Variants in TMEM178A observed in about 807,000 individuals in gnomAD.
The protein encoded by TMEM178A is transmembrane protein 178.
TMEM178A carries 12 observed loss-of-function variants against 29.1 expected under a neutral mutation model. The observed-to-expected ratio is 0.41, with a 90% CI of 0.26 to 0.67. The LOEUF (loss-of-function observed/expected upper bound fraction) is 0.67. Ranked by LOEUF, TMEM178A falls within the 30% of genes least tolerant of loss-of-function variation. The probability of loss-of-function intolerance (pLI) is 0.29; values close to 1 mark genes in which losing one functional copy is unlikely to be tolerated. For missense variants in TMEM178A, 366 were observed against 419.1 expected (o/e 0.87, Z 1.11); for synonymous variants, 210 against 187.2 (o/e 1.12, Z -0.99).
intron 1 of TMEM178A, among the ~76,000 whole-genome samples, chr2:39,667,885 C>T (rs758932208): frequency 6.6e-6 from 1 of 152,188 alleles, no homozygotes; most frequent in Non-Finnish European, 1.5e-5. Flanking sequence ...AGTACATGAA[C>T]AAACTGTAAA....
intron 3 of TMEM178A, among the ~76,000 whole-genome samples, chr2:39,707,919 G>A (rs924899907): frequency 2.0e-5 from 3 of 152,086 alleles, no homozygotes; most frequent in African/African-American, 7.2e-5. Context: ...CTTTAGTGAT[G>A]GTGTCATTTT....
chr2:39,697,091 G>A (rs895545225), intron 1 of TMEM178A, among the ~76,000 whole-genome samples: 1 of 152,194 alleles, frequency 6.6e-6, no homozygotes, highest in African/African-American at 2.4e-5. Flanking sequence ...ATGCCTCCTT[G>A]TGGATTTTAA....
At chr2:39,707,561 T>C (rs1395737358) in intron 3 of TMEM178A, among the ~76,000 whole-genome samples, 3 of 152,208 alleles carry the variant, frequency 2.0e-5, no homozygotes, top group Non-Finnish European at 4.4e-5. Flanking sequence ...AACCTCTGTC[T>C]CCTGGGTTCA....
chr2:39,670,384 T>C (rs546297790), intron 1 of TMEM178A, among the ~76,000 whole-genome samples: 1 of 152,348 alleles, frequency 6.6e-6, no homozygotes, highest in Non-Finnish European at 1.5e-5. Flanking sequence ...GTGAATAAAA[T>C]AGATAAAAAT....
chr2:39,721,158 G>C (rs1158106037), downstream of TMEM178A, among the ~76,000 whole-genome samples: 1 of 152,238 alleles, frequency 6.6e-6, no homozygotes, highest in Non-Finnish European at 1.5e-5. Context: ...CTTGCCCTTT[G>C]ACTGGAAGAA....
chr2:39,674,054 G>A (rs562985882), intron 1 of TMEM178A, among the ~76,000 whole-genome samples: 3 of 152,096 alleles, frequency 2.0e-5, no homozygotes, highest in Non-Finnish European at 2.9e-5. Context: ...AAAGCTGCTT[G>A]TAGGAAAACT....
intron 3 of TMEM178A, among the ~76,000 whole-genome samples, chr2:39,712,973 T>C (rs1384418843): frequency 1.3e-5 from 2 of 152,226 alleles, no homozygotes; most frequent in African/African-American, 4.8e-5. Context: ...ATGAACCGAC[T>C]CTTAAGTTGG....
intron 1 of TMEM178A, among the ~76,000 whole-genome samples, chr2:39,668,078 A>G (rs1670246809): frequency 6.6e-6 from 1 of 152,182 alleles, no homozygotes; most frequent in Non-Finnish European, 1.5e-5. Context: ...GCAGAGTCAA[A>G]CCTACAGTAG....
intron 3 of TMEM178A, among the ~76,000 whole-genome samples, chr2:39,709,407 G>C (rs1449423050): frequency 6.6e-6 from 1 of 152,212 alleles, no homozygotes; most frequent in Non-Finnish European, 1.5e-5. Flanking sequence ...AGGTTTTCTA[G>C]ATTTTGGTGA....
At chr2:39,735,843 C>T in the TMEM178A span, among the ~76,000 whole-genome samples, 1 of 152,204 alleles carries the variant, frequency 6.6e-6, no homozygotes, top group Non-Finnish European at 1.5e-5. Flanking sequence ...TGCCACTGGG[C>T]ACAAATGCCA....
intron 1 of TMEM178A, among the ~76,000 whole-genome samples, chr2:39,693,216 T>A (rs1041517286): frequency 6.6e-6 from 1 of 152,240 alleles, no homozygotes; most frequent in Non-Finnish European, 1.5e-5. Flanking sequence ...CTTCTTTGGA[T>A]GCTTTCCTGA....
the TMEM178A span, among the ~76,000 whole-genome samples, chr2:39,734,483 C>G: frequency 1.3e-5 from 2 of 152,212 alleles, no homozygotes; most frequent in East Asian, 3.8e-4. Flanking sequence ...TTTGGTGATC[C>G]CATCCAGTTT....
At chr2:39,720,807 G>A (rs2716736), downstream of TMEM178A, among the ~76,000 whole-genome samples, 22,064 of 152,140 alleles carry the variant, frequency 0.15, 3,994 homozygotes, top group African/African-American at 0.43. Context: ...CATAAAAAAT[G>A]TACAGTCGTG....
rs755453696 is a variant in TMEM178A at position 39,666,080 on chromosome 2, C to A, written c.106C>A (p.Pro36Thr). 6.4e-7 allele frequency: 1 copy of A among 1,569,844 alleles called. No homozygotes were observed. The highest frequency in any genetic ancestry group is 1.2e-5 in the South Asian group (1 of 86,508). The change falls in exon 1 of 4, where the codon CCC (proline) becomes ACC (threonine). Residue 36 changes from proline (P) to threonine (T), a missense_variant. Physicochemically the swap from Pro to Thr is conservative, Grantham distance 38. Transcript: ENST00000281961. ...IFTDHWYETD[P>T]RRHKESCERS... ...CACCGACCACTGGTACGAGACCGACCCCCGGCGCCACAAGGAGAGCTGCGA... is the reference window on the plus strand; with the variant it reads ...CACCGACCACTGGTACGAGACCGACACCCGGCGCCACAAGGAGAGCTGCGA...
At chr2:39,677,285 T>C (rs1357755567) in intron 1 of TMEM178A, among the ~76,000 whole-genome samples, 1 of 152,152 alleles carries the variant, frequency 6.6e-6, no homozygotes, top group African/African-American at 2.4e-5. Context: ...CAAGCCAGGC[T>C]ATGACTTTTT....
At position 39,717,262 on chromosome 2, in the gene TMEM178A, T is replaced by C. The variant is rs752767437; in HGVS notation, c.*11T>C. 6.2e-7 allele frequency: 1 copy of C among 1,613,134 alleles called. No individual in the cohort carries two copies. The highest frequency in any genetic ancestry group is 8.5e-7 in the Non-Finnish European group (1 of 1,179,622). On this transcript the variant is annotated 3_prime_UTR_variant, in exon 4 of 4. Coordinates refer to ENST00000281961, the MANE Select transcript of TMEM178A (RefSeq NM_152390.3). ...GACTCCACGGTATGACTGTCCTCAC[T>C]GGGCCTGTCCACAGTGCGAGCGACT...
chr2:39,711,484 G>A (rs561118915), intron 3 of TMEM178A, among the ~76,000 whole-genome samples: 1 of 152,208 alleles, frequency 6.6e-6, no homozygotes, highest in Admixed American at 6.5e-5. Flanking sequence ...ACCTTCACAG[G>A]CTGTGCCTTG....
intron 1 of TMEM178A, among the ~76,000 whole-genome samples, chr2:39,677,937 G>T (rs909583484): frequency 6.6e-6 from 1 of 151,952 alleles, no homozygotes; most frequent in Non-Finnish European, 1.5e-5. Context: ...CCACCATATT[G>T]CATGCCAACT....
intron 1 of TMEM178A, among the ~76,000 whole-genome samples, chr2:39,672,876 T>A (rs1027005767): frequency 1.3e-5 from 2 of 152,072 alleles, no homozygotes; most frequent in Admixed American, 1.3e-4. Context: ...AAGATCAGTT[T>A]TTGTTGGAGG....
Sources: allele counts gnomAD v4.1 joint callset (sites outside exome capture counted in the v4.1 genomes callset), GRCh38; gene constraint gnomAD v4.1.1; transcripts MANE v1.5; gene names NCBI Gene and HGNC (gene_info 2026-07-23, HGNC 2026-07-21).